The following RAB3D variants were observed in gnomAD, a reference collection of about 807,000 sequenced individuals.
RAB3D encodes RAB3D, member RAS oncogene family, also known as ras-related protein Rab-3D.
Under a neutral mutation model 19.3 loss-of-function variants are expected in RAB3D, and 17 were observed. That is an observed-to-expected ratio of 0.88 (90% CI 0.60 to 1.32). RAB3D has a LOEUF of 1.32. Ranked by LOEUF, RAB3D falls within the 40% of genes most tolerant of loss-of-function variation. RAB3D has a pLI of 0.00. For synonymous variants in RAB3D, 103 were observed against 119.9 expected, an observed-to-expected ratio of 0.86 and a Z score of 0.92; for missense variants, 223 against 299.1, an observed-to-expected ratio of 0.75 and a Z score of 1.88.
rs951162732 is a variant in RAB3D at position 11,324,757 on chromosome 19, G to A, written c.*641C>T. The A allele has an allele frequency of 6.5e-6, 1 of 152,698 alleles. No individual in the cohort carries two copies. Among genetic ancestry groups the A allele is most frequent in the African/African-American group, 2.4e-5 (1 of 41,432 alleles). The allele number at this position is 152,698 out of a possible 1,614,324, so 9.5% of individuals were successfully genotyped here. A position where few individuals can be genotyped will look rare whatever the true frequency, so the allele number is the denominator to read the frequency against. ...GCACTTCTGGGGTCCCTGAAGCCGGGGGGTTGAGGGGATCTGACTCCCTGT... is the reference window on the plus strand; with the variant it reads ...GCACTTCTGGGGTCCCTGAAGCCGGAGGGTTGAGGGGATCTGACTCCCTGT... On this transcript the variant is annotated 3_prime_UTR_variant, in exon 5 of 5. Coordinates refer to ENST00000222120, the MANE Select transcript of RAB3D (RefSeq NM_004283.4).
At position 11,325,352 on chromosome 19, in the gene RAB3D, C is replaced by G; in HGVS notation, c.*46G>C. ...CTGTGGCTCACGCCTCGATCACAGT[C>G]CCTGCCGAGGCAGGAGAGGGGTGGG... On this transcript the variant is annotated 3_prime_UTR_variant, in exon 5 of 5. Coordinates refer to ENST00000222120, the MANE Select transcript of RAB3D (RefSeq NM_004283.4). 1.6e-6 allele frequency: 2 copies of G among 1,224,244 alleles called. No homozygotes were observed. Among genetic ancestry groups the G allele is most frequent in the Non-Finnish European group, 2.2e-6 (2 of 906,958 alleles). The allele number at this position is 1,224,244 out of a possible 1,614,324, so 75.8% of individuals were successfully genotyped here. A position where few individuals can be genotyped will look rare whatever the true frequency, so the allele number is the denominator to read the frequency against.
intron 4 of RAB3D, among the ~76,000 whole-genome samples, chr19:11,333,758 A>G (rs2080842980): frequency 6.6e-6 from 1 of 150,778 alleles, no homozygotes; most frequent in African/African-American, 2.4e-5. Flanking sequence ...CAGTGGCGTG[A>G]TATCGGCTCA....
intron 2 of RAB3D, among the ~76,000 whole-genome samples, chr19:11,336,827 G>A (rs751184361): frequency 9.2e-5 from 14 of 151,834 alleles, no homozygotes; most frequent in Admixed American, 2.0e-4. Flanking sequence ...AAAATTAGCC[G>A]GGTGTGGTGG....
chr19:11,328,475 C>T (rs920120584), intron 4 of RAB3D, among the ~76,000 whole-genome samples: 3 of 151,834 alleles, frequency 2.0e-5, no homozygotes, highest in Non-Finnish European at 4.4e-5. Flanking sequence ...GGTGAAACCC[C>T]GTCTCTACTA....
chr19:11,332,672 G>T (rs1003673674), intron 4 of RAB3D, among the ~76,000 whole-genome samples: 6 of 152,014 alleles, frequency 3.9e-5, no homozygotes, highest in African/African-American at 1.4e-4. Context: ...TTTGAGACAG[G>T]GTCTCGCTAT....
intron 1 of RAB3D, among the ~76,000 whole-genome samples, chr19:11,338,456 C>T (rs1042964609): frequency 6.6e-6 from 1 of 152,206 alleles, no homozygotes; most frequent in Non-Finnish European, 1.5e-5. Flanking sequence ...TGGGTGTTGA[C>T]TTTGGCAGGT....
In RAB3D at chr19:11,337,369, G is replaced by C; in HGVS notation, c.31C>G (p.Pro11Ala). 1 of 1,614,090 alleles carries C rather than the reference G, an allele frequency of 6.2e-7. No individual in the cohort carries two copies. The highest frequency in any genetic ancestry group is 8.5e-7 in the Non-Finnish European group (1 of 1,179,992). Residue 11 changes from proline to alanine, a missense_variant, in exon 2 of 5, where the codon CCA (proline) becomes GCA (alanine). Pro to Ala is a conservative substitution (Grantham distance 27). Coordinates refer to ENST00000222120, the MANE Select transcript of RAB3D (RefSeq NM_004283.4). MASAGDTQAG[P>A]RDAADQNFDY... is the part of the protein sequence containing the mutation. ...AAGTTCTGATCTGCTGCATCCCGTG[G>C]GCCTGCCTGGGTGTCTCCAGCTGAT...
chr19:11,325,636 C>CTCAGCT (rs773412532), intron 4 of RAB3D, 51 bp from the exon 5 acceptor site: 1 of 1,520,372 alleles, frequency 6.6e-7, no homozygotes, highest in East Asian at 2.3e-5. Context: ...AGGGCAGAGT[C>CTCAGCT]TCAGCTGTGG....
At chr19:11,333,080 C>CTTTT (rs754729605) in intron 4 of RAB3D, among the ~76,000 whole-genome samples, 2 of 137,184 alleles carry the variant, frequency 1.5e-5, no homozygotes, top group African/African-American at 5.4e-5. Flanking sequence ...AGAAATATTT[C>CTTTT]TTTTTTTTTT....
At position 11,323,596 on chromosome 19, in the gene RAB3D, A is replaced by C. The variant is rs1482295543; in HGVS notation, c.*1802T>G. On this transcript the variant is annotated 3_prime_UTR_variant, in exon 5 of 5. Coordinates refer to ENST00000222120, the MANE Select transcript of RAB3D (RefSeq NM_004283.4). ...ATAGAGCGAGACTCTGTATCAAAAA[A>C]ACAAATGAAAAAAAGATACCCCACT... 6.6e-6 allele frequency: 1 copy of C among 152,206 alleles called. No individual in the cohort carries two copies. The highest frequency in any genetic ancestry group is 2.4e-5 in the African/African-American group (1 of 41,442). The allele number at this position is 152,206 out of a possible 1,614,324, so 9.4% of individuals were successfully genotyped here. A position where few individuals can be genotyped will look rare whatever the true frequency, so the allele number is the denominator to read the frequency against.
chr19:11,339,110 G>A (rs970054319), intron 1 of RAB3D, among the ~76,000 whole-genome samples: 2 of 152,226 alleles, frequency 1.3e-5, no homozygotes, highest in African/African-American at 4.8e-5. Context: ...CCCCACGCAG[G>A]GCAGGGCCGC....
intron 4 of RAB3D, among the ~76,000 whole-genome samples, chr19:11,325,842 G>A (rs140142292): frequency 1.8e-4 from 28 of 152,286 alleles, no homozygotes; most frequent in Non-Finnish European, 3.2e-4. Flanking sequence ...AGGAAGCTAC[G>A]GCGGGAGGAT....
Position 11,325,510 on chromosome 19 carries a change from A to C in RAB3D, c.548T>G (p.Ile183Ser). The change falls in exon 5 of 5, where the codon ATC (isoleucine) becomes AGC (serine). Residue 183 changes from isoleucine (I) to serine (S), a missense_variant. By Grantham distance (142) the Ile-to-Ser change is moderately radical. Coordinates refer to ENST00000222120, the MANE Select transcript of RAB3D (RefSeq NM_004283.4). The part of the protein sequence containing the change: ...KQVFERLVDV[I>S]CEKMNESLEP... ...CAGGGACTCGTTCATCTTCTCGCAG[A>C]TGACATCCACCAGGCGCTCGAAGAC... The C allele has an allele frequency of 6.2e-7, 1 of 1,613,760 alleles. No individual in the cohort carries two copies. Among genetic ancestry groups the C allele is most frequent in the East Asian group, 2.2e-5 (1 of 44,880 alleles).
At chr19:11,337,714 A>C (rs1966910338) in intron 1 of RAB3D, among the ~76,000 whole-genome samples, 1 of 149,114 alleles carries the variant, frequency 6.7e-6, no homozygotes, top group African/African-American at 2.5e-5. Flanking sequence ...CTGTTGCCTG[A>C]GGCTGGAGCG....
chr19:11,325,338 G>T lies in RAB3D; in HGVS notation c.*60C>A. On this transcript the variant is annotated 3_prime_UTR_variant, in exon 5 of 5. Coordinates refer to ENST00000222120, the MANE Select transcript of RAB3D (RefSeq NM_004283.4). ...CTTGGAGATAACCACTGTGGCTCAC[G>T]CCTCGATCACAGTCCCTGCCGAGGC... 1 of 1,154,598 alleles carries T rather than the reference G, an allele frequency of 8.7e-7. No homozygotes were observed. Among genetic ancestry groups the T allele is most frequent in the Non-Finnish European group, 1.2e-6 (1 of 820,928 alleles). 71.5% of individuals were successfully genotyped at this position (1,154,598 alleles called of 1,614,324 possible). A position where few individuals can be genotyped will look rare whatever the true frequency, so the allele number is the denominator to read the frequency against.
In RAB3D at chr19:11,337,286, G is replaced by A. The variant is rs1966904922; in HGVS notation, c.114C>T (p.Phe38=). The stretch of plus-strand genomic sequence containing the variant: ...AGGAGTCGTCCGCGTATCGGAACAG[G>A]AAGGAAGTCTTGCCCACACTGCTGT... The part of the protein sequence containing the change: ...IGNSSVGKTS[F]LFRYADDSFT... Residue 38 remains phenylalanine (F), a synonymous_variant, in exon 2 of 5, where the codon TTC becomes TTT. Coordinates refer to ENST00000222120, the MANE Select transcript of RAB3D (RefSeq NM_004283.4). 1 of 1,614,108 alleles carries A rather than the reference G, an allele frequency of 6.2e-7. No homozygotes were observed. Among genetic ancestry groups the A allele is most frequent in the Non-Finnish European group, 8.5e-7 (1 of 1,180,030 alleles).
At chr19:11,331,252 G>A (rs146139251) in intron 4 of RAB3D, among the ~76,000 whole-genome samples, 229 of 151,968 alleles carry the variant, frequency 1.5e-3, no homozygotes, top group African/African-American at 5.2e-3. Context: ...CCGAAATCAC[G>A]CCATTGCACT....
Position 11,325,386 on chromosome 19 carries a change from TG to T in RAB3D, c.*11del. The T allele has an allele frequency of 7.9e-7, 1 of 1,260,926 alleles. No individual in the cohort carries two copies. The highest frequency in any genetic ancestry group is 1.0e-6 in the Non-Finnish European group (1 of 980,068). The allele number at this position is 1,260,926 out of a possible 1,614,324, so 78.1% of individuals were successfully genotyped here. A position where few individuals can be genotyped will look rare whatever the true frequency, so the allele number is the denominator to read the frequency against. The stretch of plus-strand genomic sequence containing the variant: ...GGCAGGAGAGGGGTGGGTGGGGGGT[TG>T]GGGGCCATCTCTAGCAGCTGCAGCT... On this transcript the variant is annotated 3_prime_UTR_variant, in exon 5 of 5. Coordinates refer to ENST00000222120, the MANE Select transcript of RAB3D (RefSeq NM_004283.4).
Position 11,337,276 on chromosome 19 carries a change from A to G in RAB3D, c.124T>C (p.Tyr42His), listed in dbSNP as rs1188025072. ...GCGGGAGTGAAGGAGTCGTCCGCGT[A>G]TCGGAACAGGAAGGAAGTCTTGCCC... ...SVGKTSFLFRYADDSFTPAFV... is the reference protein window; with the variant it reads ...SVGKTSFLFRHADDSFTPAFV... The change falls in exon 2 of 5, where the codon TAC (tyrosine) becomes CAC (histidine). Residue 42 changes from tyrosine (Y) to histidine (H), a missense_variant. Physicochemically the swap from Tyr to His is moderately conservative, Grantham distance 83 (BLOSUM62 2). Transcript: ENST00000222120. The G allele has an allele frequency of 1.2e-6, 2 of 1,614,008 alleles. No individual in the cohort carries two copies. Among genetic ancestry groups the G allele is most frequent in the East Asian group, 2.2e-5 (1 of 44,886 alleles).
Sources: allele counts gnomAD v4.1 joint callset (sites outside exome capture counted in the v4.1 genomes callset), GRCh38; gene constraint gnomAD v4.1.1; transcripts MANE v1.5; gene names NCBI Gene and HGNC (gene_info 2026-07-23, HGNC 2026-07-21).